NECTIN2: variants seen among roughly 807,000 people sequenced by gnomAD.
NECTIN2 encodes nectin-2.
NECTIN2 carries 23 observed loss-of-function variants against 56.9 expected under a neutral mutation model. The ratio of observed to expected loss-of-function variants is 0.40; its 90% CI spans 0.29 to 0.57. The LOEUF (loss-of-function observed/expected upper bound fraction) is 0.57. Among genes scored for constraint, NECTIN2 ranks in the 20% least tolerant of loss-of-function variants. The probability of loss-of-function intolerance (pLI) is 0.38; values close to 1 mark genes in which losing one functional copy is unlikely to be tolerated. For missense variants in NECTIN2, 587 were observed against 718.3 expected (o/e 0.82, Z 2.09); for synonymous variants, 302 against 313.8 (o/e 0.96, Z 0.40).
intron 6 of NECTIN2, among the ~76,000 whole-genome samples, chr19:44,885,243 A>G (rs283811): frequency 0.28 from 40,391 of 145,650 alleles, 5,929 homozygotes; most frequent in African/African-American, 0.41. Context: ...TGATCTGCCC[A>G]CCTCGGCCTC....
At chr19:44,871,363 C>T (rs770829436) in intron 2 of NECTIN2, among the ~76,000 whole-genome samples, 3 of 151,868 alleles carry the variant, frequency 2.0e-5, no homozygotes, top group Non-Finnish European at 4.4e-5. Context: ...CTCATCTCTA[C>T]AAAAAAATTT....
At chr19:44,868,866 C>G (rs140010660) in intron 2 of NECTIN2, among the ~76,000 whole-genome samples, 1 of 151,270 alleles carries the variant, frequency 6.6e-6, no homozygotes, top group South Asian at 2.1e-4. Context: ...GAGCCGAGAT[C>G]GCGCCACTAT....
Position 44,888,693 on chromosome 19 carries a change from C to T in NECTIN2, c.*314C>T. 5.6e-6 allele frequency: 2 copies of T among 354,502 alleles called. No individual in the cohort carries two copies. The highest frequency in any genetic ancestry group is 1.0e-5 in the Non-Finnish European group (2 of 190,856). 22.0% of individuals were successfully genotyped at this position (354,502 alleles called of 1,614,324 possible). ...CCATACCTCTCACCCCCCAATGCCT[C>T]GACTCCCCCAAAATCACAAAGAAGA... On this transcript the variant is annotated 3_prime_UTR_variant, in exon 9 of 9. Coordinates refer to ENST00000252483, the MANE Select transcript of NECTIN2 (RefSeq NM_001042724.2).
At position 44,865,765 on chromosome 19, in the gene NECTIN2, T is replaced by G. The variant is rs1258456209; in HGVS notation, c.478+105T>G. The G allele has an allele frequency of 3.6e-5, 45 of 1,261,266 alleles. No homozygotes were observed. Among genetic ancestry groups the G allele is most frequent in the Non-Finnish European group, 4.7e-5 (44 of 943,984 alleles). 78.1% of individuals were successfully genotyped at this position (1,261,266 alleles called of 1,614,324 possible). On this transcript the variant is annotated intron_variant, in intron 2 of 8. Transcript: ENST00000252483. This position sits in a 1 kb window ranked among gnomAD's most constrained non-coding sequence, Gnocchi z 5.2. ...TTGGCTTCAGCTGTGAGGTTCACAT[T>G]CTCTGTGGGTTTCCATCCATCAGCA... is the stretch of plus-strand genomic sequence containing the variant.
chr19:44,868,384 G>A (rs1169664920), intron 2 of NECTIN2, among the ~76,000 whole-genome samples: 2 of 149,620 alleles, frequency 1.3e-5, no homozygotes, highest in African/African-American at 2.4e-5. Flanking sequence ...GACTCCCAGC[G>A]GGAAGGTGAC....
chr19:44,859,336 A>G (rs539735405), intron 1 of NECTIN2, among the ~76,000 whole-genome samples: 1 of 152,284 alleles, frequency 6.6e-6, no homozygotes, highest in African/African-American at 2.4e-5. Context: ...ATCTTTAAAC[A>G]GCCCTTGGGA....
intron 8 of NECTIN2, among the ~76,000 whole-genome samples, chr19:44,887,418 G>A (rs1259065535): frequency 1.3e-5 from 2 of 152,050 alleles, no homozygotes; most frequent in African/African-American, 2.4e-5. Context: ...CAAGGCAGGT[G>A]GATCACCTGA....
intron 2 of NECTIN2, among the ~76,000 whole-genome samples, chr19:44,869,761 G>A (rs545115582): frequency 9.9e-5 from 15 of 151,898 alleles, no homozygotes; most frequent in East Asian, 5.8e-4. Flanking sequence ...TTGTTTGTTT[G>A]TTTCTTGGAG....
chr19:44,885,307 CTTTTT>C (rs34485333), intron 6 of NECTIN2, among the ~76,000 whole-genome samples: 4 of 112,902 alleles, frequency 3.5e-5, no homozygotes, highest in African/African-American at 9.4e-5. Context: ...ATCTTTCTTT[CTTTTT>C]TTTTTTTTTT....
chr19:44,865,355 C>T lies in NECTIN2; in HGVS notation c.173C>T (p.Pro58Leu). ...GTGGAGCTGCCGTGCCACCTGCTGC[C>T]ACCTGTTCCTGGACTGTACATCTCC... ...GTVELPCHLL[P>L]PVPGLYISLV... is the part of the protein sequence containing the mutation. Residue 58 changes from proline (P) to leucine (L), a missense_variant, in exon 2 of 9, where the codon CCA becomes CTA. Coordinates refer to ENST00000252483, the MANE Select transcript of NECTIN2 (RefSeq NM_001042724.2). The surrounding 1 kb of genome is among the most constrained non-coding windows in gnomAD (Gnocchi z 5.2). The T allele has an allele frequency of 6.2e-7, 1 of 1,614,190 alleles. No individual in the cohort carries two copies. The highest frequency in any genetic ancestry group is 8.5e-7 in the Non-Finnish European group (1 of 1,180,042).
intron 2 of NECTIN2, among the ~76,000 whole-genome samples, chr19:44,869,318 C>T (rs552041093): frequency 5.7e-4 from 87 of 152,144 alleles, no homozygotes; most frequent in Non-Finnish European, 9.6e-4. Flanking sequence ...AAGGGCCAGG[C>T]GCAGTGGCTC....
rs1385273877 is a variant in NECTIN2, at chr19:44,865,948, A to G, written c.478+288A>G. 6.6e-6 allele frequency among the ~76,000 whole-genome samples: 1 copy of G among 152,178 alleles called. No homozygotes were observed. Among genetic ancestry groups the G allele is most frequent in the Non-Finnish European group, 1.5e-5 (1 of 68,040 alleles). ...AGCACTTTGGAAGGCCGAGATGGGC[A>G]GATCGCCTGAGGTCAGGAGTTCAAG... On this transcript the variant is annotated intron_variant, in intron 2 of 8. Coordinates refer to ENST00000252483, the MANE Select transcript of NECTIN2 (RefSeq NM_001042724.2). The surrounding 1 kb of genome is among the most constrained non-coding windows in gnomAD (Gnocchi z 5.2).
At chr19:44,887,613 A>G (rs1356531529) in intron 8 of NECTIN2, among the ~76,000 whole-genome samples, 1 of 152,162 alleles carries the variant, frequency 6.6e-6, no homozygotes, top group Non-Finnish European at 1.5e-5. Flanking sequence ...CCATTGCACA[A>G]CAGCCTGGGA....
At chr19:44,852,537 A>C (rs532253591) in intron 1 of NECTIN2, among the ~76,000 whole-genome samples, 1 of 151,588 alleles carries the variant, frequency 6.6e-6, no homozygotes, top group South Asian at 2.1e-4. Context: ...AAAAAAAAAA[A>C]AAAACAGAAA....
intron 1 of NECTIN2, among the ~76,000 whole-genome samples, chr19:44,859,686 G>A (rs551826498): frequency 3.3e-5 from 5 of 152,140 alleles, no homozygotes; most frequent in African/African-American, 9.7e-5. Flanking sequence ...CAGCCGGACC[G>A]TAGTGGCTCG....
chr19:44,873,785 C>T (rs1969204046), intron 3 of NECTIN2, 131 bp from the exon 4 acceptor site: 1 of 692,454 alleles, frequency 1.4e-6, no homozygotes, highest in Non-Finnish European at 2.6e-6. Flanking sequence ...ACTGATTTGC[C>T]CCAGACAGTT....
At chr19:44,857,836 G>T (rs1472162392) in intron 1 of NECTIN2, among the ~76,000 whole-genome samples, 2 of 151,468 alleles carry the variant, frequency 1.3e-5, no homozygotes, top group Non-Finnish European at 2.9e-5. Flanking sequence ...ATGAGCCAAC[G>T]CACCCAGTCT....
chr19:44,865,663 G>T lies in NECTIN2; in HGVS notation c.478+3G>T. On this transcript the variant is annotated splice_donor_region_variant and intron_variant, in intron 2 of 8. Transcript: ENST00000252483. The surrounding 1 kb of genome is among the most constrained non-coding windows in gnomAD (Gnocchi z 5.2). ...GATGACCTGGCTCAGAGTCATAGGT[G>T]AGCAGGGTAAGGGCGGGAGGCAAGG... 1 of 1,520,564 alleles carries T rather than the reference G, an allele frequency of 6.6e-7. No homozygotes were observed. Among genetic ancestry groups the T allele is most frequent in the South Asian group, 1.2e-5 (1 of 81,880 alleles). The allele number at this position is 1,520,564 out of a possible 1,614,324, so 94.2% of individuals were successfully genotyped here.
At chr19:44,854,788 G>A (rs952514207) in intron 1 of NECTIN2, among the ~76,000 whole-genome samples, 7 of 151,782 alleles carry the variant, frequency 4.6e-5, no homozygotes, top group Admixed American at 4.6e-4. Flanking sequence ...ACTCCAGCCC[G>A]GGCAACAGAG....
Sources: allele counts gnomAD v4.1 joint callset (sites outside exome capture counted in the v4.1 genomes callset), GRCh38; gene constraint gnomAD v4.1.1; non-coding constraint Gnocchi (gnomAD v3.1); transcripts MANE v1.5; gene names NCBI Gene and HGNC (gene_info 2026-07-23, HGNC 2026-07-21).